SLC71A2: variants seen among roughly 807,000 people sequenced by gnomAD.
The protein encoded by SLC71A2 is hippocampus abundant transcript-like 1.
the SLC71A2 span, among the ~76,000 whole-genome samples, chr9:94,429,724 C>T: frequency 2.6e-5 from 4 of 151,984 alleles, no homozygotes; most frequent in Admixed American, 2.0e-4. Flanking sequence ...TATATAAAAA[C>T]GGCTTTAAAC....
the SLC71A2 span, among the ~76,000 whole-genome samples, chr9:94,377,243 A>G: frequency 1.5e-4 from 23 of 151,972 alleles, no homozygotes; most frequent in Non-Finnish European, 5.9e-5. Context: ...TAGCCCCTAT[A>G]TGAATTGATT....
At chr9:94,456,609 CT>C in the SLC71A2 span, among the ~76,000 whole-genome samples, 1 of 135,280 alleles carries the variant, frequency 7.4e-6, no homozygotes, top group East Asian at 2.2e-4. Context: ...TTTGATACAT[CT>C]TTTCTTCTTT....
the SLC71A2 span, among the ~76,000 whole-genome samples, chr9:94,375,415 C>A: frequency 6.6e-6 from 1 of 151,120 alleles, no homozygotes; most frequent in Non-Finnish European, 1.5e-5. Context: ...GGGGACCAGC[C>A]GAGGAGCAAG....
At chr9:94,455,348 T>G in the SLC71A2 span, among the ~76,000 whole-genome samples, 136 of 149,986 alleles carry the variant, frequency 9.1e-4, 1 homozygote, top group Non-Finnish European at 1.7e-3. Flanking sequence ...TTTTGATTTT[T>G]TTTTTACACC....
the SLC71A2 span, among the ~76,000 whole-genome samples, chr9:94,383,766 C>T: frequency 6.6e-6 from 1 of 151,934 alleles, no homozygotes; most frequent in Non-Finnish European, 1.5e-5. Flanking sequence ...TCTTCTGATG[C>T]ATGAATGTAG....
At chr9:94,438,277 C>CA in the SLC71A2 span, 20 of 1,249,322 alleles carry the variant, frequency 1.6e-5, no homozygotes, top group Non-Finnish European at 2.2e-5. Flanking sequence ...TTTAATGTTT[C>CA]AAAGTATTAT....
the SLC71A2 span, among the ~76,000 whole-genome samples, chr9:94,406,120 T>A: frequency 8.1e-6 from 1 of 124,038 alleles, no homozygotes; most frequent in Non-Finnish European, 1.6e-5. Flanking sequence ...CAGGCTGGAG[T>A]GTAGTGGGGT....
the SLC71A2 span, among the ~76,000 whole-genome samples, chr9:94,395,735 A>G: frequency 6.6e-6 from 1 of 152,156 alleles, no homozygotes; most frequent in Non-Finnish European, 1.5e-5. Context: ...TGGGCCATGT[A>G]GCTCATTCCT....
the SLC71A2 span, among the ~76,000 whole-genome samples, chr9:94,430,785 A>G: frequency 3.3e-5 from 5 of 152,198 alleles, no homozygotes; most frequent in African/African-American, 4.8e-5. Flanking sequence ...TGAAAAATCA[A>G]TCATATTTGC....
At chr9:94,405,674 A>T in the SLC71A2 span, among the ~76,000 whole-genome samples, 1 of 152,094 alleles carries the variant, frequency 6.6e-6, no homozygotes, top group Non-Finnish European at 1.5e-5. Context: ...TTTTTATGCC[A>T]GAACCACACT....
the SLC71A2 span, chr9:94,438,457 G>A: frequency 6.2e-7 from 1 of 1,613,982 alleles, no homozygotes; most frequent in South Asian, 1.1e-5. Flanking sequence ...ATGTGTGGGG[G>A]AGGAAGCCCT....
chr9:94,386,893 C>T, the SLC71A2 span, among the ~76,000 whole-genome samples: 1 of 151,982 alleles, frequency 6.6e-6, no homozygotes, highest in Non-Finnish European at 1.5e-5. Context: ...TTTTGTGGCT[C>T]TTTCTTGAGA....
the SLC71A2 span, among the ~76,000 whole-genome samples, chr9:94,382,208 A>G: frequency 6.0e-4 from 91 of 151,876 alleles, no homozygotes; most frequent in Non-Finnish European, 1.1e-3. Flanking sequence ...TTAATTTTTT[A>G]TAGAGATGGG....
At chr9:94,444,928 C>T in the SLC71A2 span, 2,098 of 1,600,908 alleles carry the variant, frequency 1.3e-3, 25 homozygotes, top group Middle Eastern at 5.8e-3. Context: ...AGGTGTTCAC[C>T]TATGGGACCC....
the SLC71A2 span, chr9:94,459,374 T>G: frequency 6.2e-7 from 1 of 1,613,992 alleles, no homozygotes. Context: ...GGAGCTCTCT[T>G]CATTTGAGGA....
At chr9:94,443,648 A>G in the SLC71A2 span, among the ~76,000 whole-genome samples, 1 of 152,216 alleles carries the variant, frequency 6.6e-6, no homozygotes, top group Non-Finnish European at 1.5e-5. Context: ...CTAAGCAAGT[A>G]GGCTACTTTA....
chr9:94,427,712 A>G, the SLC71A2 span, among the ~76,000 whole-genome samples: 8 of 147,058 alleles, frequency 5.4e-5, no homozygotes, highest in Admixed American at 5.6e-4. Flanking sequence ...TCCCACTGAA[A>G]GAAACTAAGA....
the SLC71A2 span, among the ~76,000 whole-genome samples, chr9:94,436,848 G>A: frequency 1.3e-5 from 2 of 152,124 alleles, no homozygotes; most frequent in Non-Finnish European, 2.9e-5. Flanking sequence ...TTCACCAAAC[G>A]TATTTGAAAA....
At chr9:94,386,751 C>T in the SLC71A2 span, among the ~76,000 whole-genome samples, 7 of 152,088 alleles carry the variant, frequency 4.6e-5, no homozygotes, top group Admixed American at 2.0e-4. Flanking sequence ...TAGTACAGCA[C>T]ATCTTTTCTT....
Sources: gnomAD v4.1 joint callset for allele counts (sites outside exome capture counted in the v4.1 genomes callset) on GRCh38, gnomAD v4.1.1 for gene constraint, MANE v1.5 for transcripts, NCBI Gene and HGNC (gene_info 2026-07-23, HGNC 2026-07-21) for gene names.